Variants in LRP1B observed in about 807,000 individuals in gnomAD.
LRP1B encodes the protein LDL receptor related protein 1B, also known as low-density lipoprotein receptor-related protein 1B.
Under a neutral mutation model 556.6 loss-of-function variants are expected in LRP1B, and 217 were observed. The observed-to-expected ratio is 0.39, with a 90% CI of 0.35 to 0.44. The LOEUF is 0.44. LRP1B is among the 20% of genes least tolerant of loss of function. The pLI, the probability that LRP1B is intolerant of heterozygous loss-of-function variation, is 1.00. For synonymous variants in LRP1B, 2,047 were observed against 1,865.8 expected (o/e 1.10, Z -2.50); for missense variants, 5,053 against 5,620.8 (o/e 0.90, Z 3.23).
intron 2 of LRP1B, among the ~76,000 whole-genome samples, chr2:141,738,115 G>C (rs992421248): frequency 3.3e-5 from 5 of 151,970 alleles, no homozygotes; most frequent in African/African-American, 1.2e-4. Context: ...ATCATAGTAT[G>C]CTTCAGGAAA....
intron 1 of LRP1B, among the ~76,000 whole-genome samples, 177 bp from the exon 2 acceptor site, chr2:141,810,578 A>T (rs1423468742): frequency 6.6e-6 from 1 of 152,124 alleles, no homozygotes; most frequent in Non-Finnish European, 1.5e-5. Flanking sequence ...CACTCAGCTG[A>T]AACACACAAT....
rs201809412 is a variant in LRP1B, at chr2:140,909,144, AAC to A, written c.3320-1069_3320-1068del. ...CACTGCAAATTATTCCTCCTTTCGA[AAC>A]AGTCTTTCACTGACTTCTTATTAAT... On this transcript the variant is annotated intron_variant, in intron 21 of 90. Transcript: ENST00000389484. 4.2e-3 allele frequency among the ~76,000 whole-genome samples: 644 copies of A among 152,192 alleles called. 3 individuals carry two copies. Among genetic ancestry groups the A allele is most frequent in the African/African-American group, 0.015 (612 of 41,540 alleles).
intron 3 of LRP1B, among the ~76,000 whole-genome samples, chr2:141,446,779 C>A (rs1418917412): frequency 6.6e-6 from 1 of 152,116 alleles, no homozygotes; most frequent in African/African-American, 2.4e-5. Context: ...GGAGAGAGAC[C>A]CACTCTTAGT....
At chr2:141,449,919 T>C (rs922969370) in intron 3 of LRP1B, among the ~76,000 whole-genome samples, 2 of 152,208 alleles carry the variant, frequency 1.3e-5, no homozygotes, top group African/African-American at 4.8e-5. Context: ...TTCTACCCTC[T>C]AGATGTCAGT....
intron 89 of LRP1B, among the ~76,000 whole-genome samples, chr2:140,236,066 GA>G (rs1360736421): frequency 6.6e-6 from 1 of 150,914 alleles, no homozygotes; most frequent in Non-Finnish European, 1.5e-5. Flanking sequence ...AAAAATTTCA[GA>G]TGTAGGAGTG....
chr2:141,073,936 CT>C (rs535605680), intron 7 of LRP1B, among the ~76,000 whole-genome samples: 106 of 152,154 alleles, frequency 7.0e-4, no homozygotes, highest in African/African-American at 2.3e-3. Context: ...ATCTCAGTTT[CT>C]TAAGCCATTT....
At chr2:140,756,651 T>C (rs749184196) in intron 35 of LRP1B, among the ~76,000 whole-genome samples, 1 of 152,282 alleles carries the variant, frequency 6.6e-6, no homozygotes. Context: ...GATATCCATA[T>C]GTGTATAGCA....
At chr2:141,132,271 C>T (rs1411212003) in intron 7 of LRP1B, among the ~76,000 whole-genome samples, 1 of 151,926 alleles carries the variant, frequency 6.6e-6, no homozygotes, top group Non-Finnish European at 1.5e-5. Context: ...TCATGAATGG[C>T]TTGGTCTTGT....
At chr2:141,396,206 G>A (rs1690232034) in intron 3 of LRP1B, among the ~76,000 whole-genome samples, 1 of 152,006 alleles carries the variant, frequency 6.6e-6, no homozygotes, top group African/African-American at 2.4e-5. Flanking sequence ...TGAAGTTAGG[G>A]CCAATGAAAA....
chr2:141,207,042 T>C (rs1682316821), intron 6 of LRP1B, among the ~76,000 whole-genome samples: 1 of 152,168 alleles, frequency 6.6e-6, no homozygotes, highest in African/African-American at 2.4e-5. Context: ...GCAGTAGTAG[T>C]GGGTTCTTGA....
intron 6 of LRP1B, among the ~76,000 whole-genome samples, chr2:141,218,507 T>A (rs1025747451): frequency 1.3e-5 from 2 of 152,170 alleles, no homozygotes; most frequent in Non-Finnish European, 2.9e-5. Context: ...CTGGAAGCCA[T>A]TATCCTAAGT....
At chr2:140,408,250 G>A (rs1235197078) in intron 66 of LRP1B, among the ~76,000 whole-genome samples, 1 of 151,744 alleles carries the variant, frequency 6.6e-6, no homozygotes, top group Non-Finnish European at 1.5e-5. Flanking sequence ...GGTGATGAGT[G>A]CACTAAAATC....
chr2:141,749,042 G>T (rs1313283071), intron 2 of LRP1B, among the ~76,000 whole-genome samples: 1 of 152,090 alleles, frequency 6.6e-6, no homozygotes, highest in East Asian at 1.9e-4. Flanking sequence ...CTAAGAATGG[G>T]ATGGAGATAT....
At chr2:141,254,425 T>C (rs1684383919) in intron 4 of LRP1B, 97 bp downstream of exon 4, 4 of 1,223,132 alleles carry the variant, frequency 3.3e-6, no homozygotes, top group South Asian at 1.3e-5. Context: ...ACATAAACAC[T>C]GTAGAGCACA....
At chr2:142,116,873 C>T (rs1707293035) in intron 1 of LRP1B, among the ~76,000 whole-genome samples, 1 of 152,098 alleles carries the variant, frequency 6.6e-6, no homozygotes, top group Non-Finnish European at 1.5e-5. Flanking sequence ...GTCACAGCTT[C>T]CCAAGGAACA....
intron 3 of LRP1B, among the ~76,000 whole-genome samples, chr2:141,395,098 T>A (rs1690193647): frequency 6.6e-6 from 1 of 152,120 alleles, no homozygotes; most frequent in African/African-American, 2.4e-5. Flanking sequence ...ATGTCATAGC[T>A]GTTGTAACCT....
intron 2 of LRP1B, among the ~76,000 whole-genome samples, chr2:141,718,551 T>C (rs894469578): frequency 5.9e-5 from 9 of 152,218 alleles, no homozygotes; most frequent in Non-Finnish European, 1.3e-4. Context: ...TAATGGCATT[T>C]ATTGAAATAT....
chr2:142,111,731 A>G (rs10203924), intron 1 of LRP1B, among the ~76,000 whole-genome samples: 101,597 of 151,848 alleles, frequency 0.67, 34,177 homozygotes, highest in East Asian at 0.71. Context: ...TGTGGAATCC[A>G]TGCCAGTCTT....
chr2:140,474,492 G>A (rs1308472178), intron 60 of LRP1B, among the ~76,000 whole-genome samples: 1 of 151,884 alleles, frequency 6.6e-6, no homozygotes, highest in East Asian at 1.9e-4. Flanking sequence ...GTGACACTAG[G>A]TTGGTGAAGA....
Sources: gnomAD v4.1 joint callset for allele counts (sites outside exome capture counted in the v4.1 genomes callset) on GRCh38, gnomAD v4.1.1 for gene constraint, MANE v1.5 for transcripts, NCBI Gene and HGNC (gene_info 2026-07-23, HGNC 2026-07-21) for gene names.